The following SHISA9 variants were observed in gnomAD, a reference collection of about 807,000 sequenced individuals.
SHISA9 encodes the protein shisa family member 9, also known as protein shisa-9.
In SHISA9, 13 loss-of-function variants were observed where a neutral mutation model predicts 38.0. The ratio of observed to expected loss-of-function variants is 0.34; its 90% CI spans 0.22 to 0.54. The LOEUF is 0.54. SHISA9 is among the 20% of genes least tolerant of loss of function. The probability of loss-of-function intolerance (pLI) is 0.91; values close to 1 mark genes in which losing one functional copy is unlikely to be tolerated. For missense variants in SHISA9, 538 were observed against 575.8 expected (o/e 0.93, Z 0.67); for synonymous variants, 275 against 242.0 (o/e 1.14, Z -1.27).
chr16:12,960,915 T>C (rs888820181), intron 2 of SHISA9, among the ~76,000 whole-genome samples: 1 of 152,094 alleles, frequency 6.6e-6, no homozygotes, highest in Non-Finnish European at 1.5e-5. Flanking sequence ...TGAATTAAAG[T>C]GAACACGTTT....
rs569192261 is a variant in SHISA9, at chr16:13,091,779, C to T, written c.692-111615C>T. ...TTAGCTCGGAGAAGTTTGTTACTAC[C>T]GACCTTCTGAAGCCTACTTCTGTCA... On this transcript the variant is annotated intron_variant, in intron 2 of 4. Transcript: ENST00000558583. Among the ~76,000 whole-genome samples, 20 of 152,248 alleles carry T rather than the reference C, an allele frequency of 1.3e-4. 2 individuals carry two copies. Among genetic ancestry groups the T allele is most frequent in the Admixed American group, 1.0e-3 (16 of 15,294 alleles).
chr16:12,912,229 G>C (rs2071194099), intron 1 of SHISA9, among the ~76,000 whole-genome samples: 1 of 152,170 alleles, frequency 6.6e-6, no homozygotes, highest in African/African-American at 2.4e-5. Context: ...AGGAAATGAA[G>C]GTCCCTAAAG....
At chr16:13,551,090 C>T in the SHISA9 span, among the ~76,000 whole-genome samples, 5 of 151,210 alleles carry the variant, frequency 3.3e-5, no homozygotes, top group African/African-American at 7.3e-5. Context: ...CGCCACTGCA[C>T]TCCAGCCTGG....
intron 2 of SHISA9, among the ~76,000 whole-genome samples, chr16:13,161,967 TC>T (rs771338266): frequency 6.6e-6 from 1 of 152,242 alleles, no homozygotes; most frequent in Non-Finnish European, 1.5e-5. Context: ...TTATGGCTGT[TC>T]TTTTTTAGGC....
the SHISA9 span, among the ~76,000 whole-genome samples, chr16:13,439,246 T>C: frequency 6.6e-6 from 1 of 152,138 alleles, no homozygotes; most frequent in South Asian, 2.1e-4. Context: ...GGGGAGATGT[T>C]GATCAAAGGG....
intron 2 of SHISA9, among the ~76,000 whole-genome samples, chr16:13,004,954 A>G (rs998993573): frequency 2.2e-5 from 1 of 45,884 alleles, no homozygotes; most frequent in Non-Finnish European, 4.5e-5. Flanking sequence ...AAAAAAAAAA[A>G]AAAAGAAAAA....
At chr16:13,039,914 C>T (rs2073115128) in intron 2 of SHISA9, among the ~76,000 whole-genome samples, 2 of 152,186 alleles carry the variant, frequency 1.3e-5, no homozygotes, top group Admixed American at 6.5e-5. Context: ...AGCCATTCTT[C>T]ATCACCACAG....
At chr16:13,498,523 A>G in the SHISA9 span, among the ~76,000 whole-genome samples, 1 of 152,178 alleles carries the variant, frequency 6.6e-6, no homozygotes, top group Admixed American at 6.5e-5. Context: ...TTGGGAGGCC[A>G]AAGTGGGAGG....
chr16:13,272,798 A>G, the SHISA9 span, among the ~76,000 whole-genome samples: 1 of 152,168 alleles, frequency 6.6e-6, no homozygotes, highest in Admixed American at 6.6e-5. Context: ...AAAACCTGTT[A>G]TCTTTCTCTC....
chr16:13,506,318 G>T, the SHISA9 span, among the ~76,000 whole-genome samples: 1 of 152,124 alleles, frequency 6.6e-6, no homozygotes, highest in Non-Finnish European at 1.5e-5. Flanking sequence ...AAAAGACAAC[G>T]ACTCCTAGAG....
At chr16:12,903,333 C>T (rs2071046895) in intron 1 of SHISA9, among the ~76,000 whole-genome samples, 1 of 152,176 alleles carries the variant, frequency 6.6e-6, no homozygotes, top group African/African-American at 2.4e-5. Flanking sequence ...GAGCCCCTTG[C>T]CCTGGCTGGC....
the SHISA9 span, among the ~76,000 whole-genome samples, chr16:13,431,687 C>T: frequency 6.6e-6 from 1 of 152,232 alleles, no homozygotes; most frequent in East Asian, 1.9e-4. Context: ...ACTGACTCAG[C>T]TCCCTGCCTT....
chr16:13,321,571 A>G, the SHISA9 span, among the ~76,000 whole-genome samples: 1 of 152,240 alleles, frequency 6.6e-6, no homozygotes, highest in Admixed American at 6.5e-5. Flanking sequence ...ACTTAAGGGA[A>G]TAGTACAAAG....
intron 4 of SHISA9, among the ~76,000 whole-genome samples, chr16:13,215,035 C>T (rs967225898): frequency 3.9e-5 from 6 of 152,000 alleles, no homozygotes; most frequent in African/African-American, 1.5e-4. Context: ...TTGCAGACAC[C>T]CACTGGAAGG....
At chr16:13,298,967 C>A in the SHISA9 span, among the ~76,000 whole-genome samples, 1 of 152,176 alleles carries the variant, frequency 6.6e-6, no homozygotes, top group Non-Finnish European at 1.5e-5. Flanking sequence ...GCCTGGAAGC[C>A]TTTCCCAGAC....
chr16:13,336,686 G>T, the SHISA9 span, among the ~76,000 whole-genome samples: 1 of 152,288 alleles, frequency 6.6e-6, no homozygotes, highest in East Asian at 1.9e-4. Context: ...TGTCAGGTGT[G>T]GGACTTAGTT....
At chr16:13,127,770 C>T (rs1156626507) in intron 2 of SHISA9, among the ~76,000 whole-genome samples, 1 of 152,126 alleles carries the variant, frequency 6.6e-6, no homozygotes, top group Non-Finnish European at 1.5e-5. Flanking sequence ...GTCTATTTCA[C>T]ACAGTTGTTG....
intron 2 of SHISA9, among the ~76,000 whole-genome samples, chr16:12,946,799 C>A (rs1487839769): frequency 6.6e-6 from 1 of 152,260 alleles, no homozygotes; most frequent in Admixed American, 6.5e-5. Flanking sequence ...GGCATTTGAG[C>A]AGGGCACTGC....
At chr16:13,046,129 C>G (rs540321023) in intron 2 of SHISA9, among the ~76,000 whole-genome samples, 4 of 148,916 alleles carry the variant, frequency 2.7e-5, no homozygotes, top group African/African-American at 9.9e-5. Context: ...CTCCCTGCCT[C>G]TCCTTGGGAA....
Sources: gnomAD v4.1 joint callset for allele counts (sites outside exome capture counted in the v4.1 genomes callset) on GRCh38, gnomAD v4.1.1 for gene constraint, MANE v1.5 for transcripts, NCBI Gene and HGNC (gene_info 2026-07-23, HGNC 2026-07-21) for gene names.